Variants in NTRK3 observed in about 807,000 individuals in gnomAD.
NTRK3 encodes the protein neurotrophic receptor tyrosine kinase 3.
NTRK3 carries 24 observed loss-of-function variants against 91.7 expected under a neutral mutation model. The observed-to-expected ratio is 0.26, with a 90% confidence interval of 0.19 to 0.37. NTRK3 has a LOEUF of 0.37. Among genes scored for constraint, NTRK3 ranks in the 10% least tolerant of loss-of-function variants. The pLI, the probability that NTRK3 is intolerant of heterozygous loss-of-function variation, is 1.00. For synonymous variants in NTRK3, 483 were observed against 404.0 expected (o/e 1.20, Z -2.34); for missense variants, 880 against 1,068.9 (o/e 0.82, Z 2.46).
intron 14 of NTRK3, among the ~76,000 whole-genome samples, chr15:88,010,516 A>G (rs1468797516): frequency 6.6e-6 from 1 of 152,200 alleles, no homozygotes; most frequent in Non-Finnish European, 1.5e-5. Context: ...AGAAAAGGAA[A>G]AGGATGGGAA....
intron 13 of NTRK3, among the ~76,000 whole-genome samples, chr15:88,101,139 G>C (rs945390344): frequency 2.0e-5 from 3 of 152,074 alleles, no homozygotes; most frequent in African/African-American, 7.2e-5. Context: ...CTAATATCCA[G>C]AATCTATAAT....
exon 8 of NTRK3, chr15:88,136,584 G>T: frequency 6.2e-7 from 1 of 1,613,298 alleles, no homozygotes; most frequent in Non-Finnish European, 8.5e-7. Flanking sequence ...TCAGGTTGAC[G>T]TGGCTCACGC....
chr15:88,125,820 G>A (rs1310671854), intron 13 of NTRK3, among the ~76,000 whole-genome samples: 1 of 150,728 alleles, frequency 6.6e-6, no homozygotes, highest in Non-Finnish European at 1.5e-5. Flanking sequence ...CCCATTGCAT[G>A]GGCAGCTTTT....
intron 13 of NTRK3, among the ~76,000 whole-genome samples, chr15:88,037,368 C>G (rs1259289560): frequency 1.3e-5 from 2 of 152,154 alleles, no homozygotes; most frequent in Non-Finnish European, 2.9e-5. Flanking sequence ...TCGAGACCAG[C>G]CTGGCCAACA....
intron 13 of NTRK3, among the ~76,000 whole-genome samples, chr15:88,036,603 C>G (rs2079091917): frequency 6.6e-6 from 1 of 152,188 alleles, no homozygotes; most frequent in Non-Finnish European, 1.5e-5. Flanking sequence ...CAGTCTCAAG[C>G]CGCAGGGCTG....
intron 3 of NTRK3, among the ~76,000 whole-genome samples, chr15:88,207,533 C>T (rs550660574): frequency 1.4e-4 from 22 of 152,332 alleles, no homozygotes; most frequent in African/African-American, 5.1e-4. Flanking sequence ...GTGGCCTCAT[C>T]CAGTCACAGA....
At chr15:88,169,217 G>T (rs1379867313) in intron 5 of NTRK3, among the ~76,000 whole-genome samples, 1 of 152,198 alleles carries the variant, frequency 6.6e-6, no homozygotes, top group Non-Finnish European at 1.5e-5. Flanking sequence ...GACTAAGGCA[G>T]GGAGTTTGGT....
chr15:88,236,142 C>A (rs1012032630), intron 3 of NTRK3, among the ~76,000 whole-genome samples: 1 of 152,128 alleles, frequency 6.6e-6, no homozygotes, highest in Non-Finnish European at 1.5e-5. Flanking sequence ...AAGGCTTGTA[C>A]AAGAATGTTC....
chr15:88,132,913 CTT>C (rs1270782184), intron 10 of NTRK3, among the ~76,000 whole-genome samples: 1 of 152,088 alleles, frequency 6.6e-6, no homozygotes, highest in Non-Finnish European at 1.5e-5. Context: ...GGTGCTTTCT[CTT>C]TGAGTTTCTC....
intron 13 of NTRK3, among the ~76,000 whole-genome samples, chr15:88,037,942 G>A (rs1330587580): frequency 1.3e-5 from 2 of 152,214 alleles, no homozygotes; most frequent in Non-Finnish European, 2.9e-5. Context: ...AAGAAGTGGT[G>A]ATGCTGGAAT....
chr15:88,228,027 C>T (rs1952216066), intron 3 of NTRK3, among the ~76,000 whole-genome samples: 1 of 152,186 alleles, frequency 6.6e-6, no homozygotes, highest in African/African-American at 2.4e-5. Flanking sequence ...TATGCCCAAG[C>T]CAGCCCAGAA....
intron 8 of NTRK3, among the ~76,000 whole-genome samples, chr15:88,136,246 T>A (rs2041865872): frequency 1.3e-5 from 2 of 152,236 alleles, no homozygotes; most frequent in Admixed American, 1.3e-4. Flanking sequence ...AGGTGAACGG[T>A]AGTTCAGTAC....
At chr15:87,996,629 T>C (rs973914610) in intron 14 of NTRK3, among the ~76,000 whole-genome samples, 2 of 152,214 alleles carry the variant, frequency 1.3e-5, no homozygotes, top group African/African-American at 2.4e-5. Context: ...CCTGCAATGC[T>C]TAAAGAAGTG....
rs116735206 is a variant in NTRK3 at position 88,006,994 on chromosome 15, C to T, written c.1585+25863G>A. On this transcript the variant is annotated intron_variant, in intron 14 of 18. Transcript: ENST00000394480. Reference sequence around the variant, plus strand: ...GGGAGAGGCACAGGGAGCACTTGTGCCCACCTGTGTCAACTGACACCACAT... The same window carrying T: ...GGGAGAGGCACAGGGAGCACTTGTGTCCACCTGTGTCAACTGACACCACAT... Among the ~76,000 whole-genome samples, 544 of 152,234 alleles carry T rather than the reference C, an allele frequency of 3.6e-3. 7 individuals are homozygous for T. Among genetic ancestry groups the T allele is most frequent in the African/African-American group, 0.013 (526 of 41,536 alleles).
At chr15:88,055,613 A>G (rs2045609376) in intron 13 of NTRK3, among the ~76,000 whole-genome samples, 1 of 152,096 alleles carries the variant, frequency 6.6e-6, no homozygotes, top group Non-Finnish European at 1.5e-5. Context: ...TCTGACATAG[A>G]TAAGGTAGGT....
In NTRK3 at chr15:88,218,453, T is replaced by A. The variant is rs539300417; in HGVS notation, c.249-34154A>T. On this transcript the variant is annotated intron_variant, in intron 3 of 18. Coordinates refer to ENST00000394480, the Ensembl canonical transcript of NTRK3. The stretch of plus-strand genomic sequence containing the variant: ...TTACTGGATCTCTCTGAGCTTACAT[T>A]TCCTCCTCTGTAAAATGGGATAATA... 5.9e-5 allele frequency among the ~76,000 whole-genome samples: 9 copies of A among 152,284 alleles called. No homozygotes were observed. In the South Asian group the frequency reaches 1.7e-3, roughly 28 times the overall value.
At chr15:88,145,705 A>G (rs1442816501) in intron 6 of NTRK3, among the ~76,000 whole-genome samples, 4 of 152,164 alleles carry the variant, frequency 2.6e-5, no homozygotes, top group Non-Finnish European at 5.9e-5. Context: ...CAGACCCCCT[A>G]TGTCCCCTGG....
rs983225995 is a variant in NTRK3, at chr15:88,233,275, T to C, written c.248+22631A>G. ...ATCTCTCAGTATCCAGGACTTCATT[T>C]GCAGAGATATTATAATGCAGATCAC... On this transcript the variant is annotated intron_variant, in intron 3 of 18. Transcript: ENST00000394480. The surrounding 1 kb of genome is among the most constrained non-coding windows in gnomAD (Gnocchi z 4.2). Among the ~76,000 whole-genome samples, 1 of 152,168 alleles carries C rather than the reference T, an allele frequency of 6.6e-6. No homozygotes were observed. The highest frequency in any genetic ancestry group is 2.1e-4 in the South Asian group (1 of 4,830).
chr15:88,084,183 G>C (rs1261954796), intron 13 of NTRK3, among the ~76,000 whole-genome samples: 1 of 151,570 alleles, frequency 6.6e-6, no homozygotes, highest in Non-Finnish European at 1.5e-5. Flanking sequence ...AGCGCTCAGG[G>C]GTTCAAACTG....
Sources: gnomAD v4.1 joint callset for allele counts (sites outside exome capture counted in the v4.1 genomes callset) on GRCh38, gnomAD v4.1.1 for gene constraint, Gnocchi (gnomAD v3.1) non-coding constraint, MANE v1.5 for transcripts, NCBI Gene and HGNC (gene_info 2026-07-23, HGNC 2026-07-21) for gene names.